Variants in FLG observed in about 807,000 individuals in gnomAD.
FLG encodes filaggrin, also known as epidermal filaggrin.
A neutral mutation model predicts 3.8 loss-of-function variants in FLG; 6 were observed. That is an observed-to-expected ratio of 1.60 (90% CI 0.87 to 3.15). FLG has a LOEUF of 3.15. Ranked by LOEUF, FLG falls within the 30% of genes most tolerant of loss-of-function variation. FLG has a pLI of 0.00. For synonymous variants in FLG, 2,551 were observed against 1,931.6 expected (o/e 1.32, Z -8.41); for missense variants, 7,595 against 5,050.9 (o/e 1.50, Z -15.27).
Position 152,314,720 on chromosome 1 carries a change from C to T in FLG, c.166G>A (p.Val56Ile). The T allele has an allele frequency of 6.2e-7, 1 of 1,613,834 alleles. No homozygotes were observed. Among genetic ancestry groups the T allele is most frequent in the Non-Finnish European group, 8.5e-7 (1 of 1,179,748 alleles). Residue 56 changes from valine to isoleucine, a missense_variant, in exon 3 of 3, where the codon GTC becomes ATC. Val to Ile is a conservative substitution (Grantham distance 29, BLOSUM62 3). Coordinates refer to ENST00000368799, the MANE Select transcript of FLG (RefSeq NM_002016.2). ...TCTATATCCAAGTGATCCATGAAGA[C>T]ATCAACCATATCTGGGTCATCTGGA... ...KNPDDPDMVD[V>I]FMDHLDIDHN...
intron 1 of FLG, among the ~76,000 whole-genome samples, chr1:152,317,128 GC>G (rs1652813321): frequency 6.6e-6 from 1 of 151,964 alleles, no homozygotes; most frequent in Non-Finnish European, 1.5e-5. Flanking sequence ...CAAACACTTT[GC>G]TTTTGCAGTT....
At chr1:152,316,733 C>G (rs1173304024) in intron 1 of FLG, among the ~76,000 whole-genome samples, 3 of 152,028 alleles carry the variant, frequency 2.0e-5, no homozygotes, top group Non-Finnish European at 2.9e-5. Flanking sequence ...CACTCTTTGA[C>G]CTTCTCTTGT....
chr1:152,310,958 C>T lies in FLG; in HGVS notation c.3928G>A (p.Gly1310Arg), dbSNP rs769313265. The T allele has an allele frequency of 4.5e-5, 72 of 1,613,874 alleles. No homozygotes were observed. The South Asian group carries it at 6.2e-4, about 14-fold the overall frequency. The change falls in exon 3 of 3, where the codon GGG becomes AGG. Residue 1310 changes from glycine (G) to arginine (R), a missense_variant. Coordinates refer to ENST00000368799, the MANE Select transcript of FLG (RefSeq NM_002016.2). ...EQSRDGSRHP[G>R]FHQEDRASHG... ...CTGGCTCTGTCTTCTTGATGGAACC[C>T]AGGGTGTCTGGAGCCATCTCTTGAC... is the stretch of plus-strand genomic sequence containing the variant.
Position 152,308,530 on chromosome 1 carries a change from T to A in FLG, c.6356A>T (p.Tyr2119Phe). 1 of 1,613,772 alleles carries A rather than the reference T, an allele frequency of 6.2e-7. No individual in the cohort carries two copies. Among genetic ancestry groups the A allele is most frequent in the East Asian group, 2.2e-5 (1 of 44,870 alleles). Residue 2119 changes from tyrosine to phenylalanine, a missense_variant, in exon 3 of 3, where the codon TAT becomes TTT. Physicochemically the swap from Tyr to Phe is conservative, Grantham distance 22. Coordinates refer to ENST00000368799, the MANE Select transcript of FLG (RefSeq NM_002016.2). ...CCTGGAGCTGTCTTGTGCCTGATCA[T>A]AATGGGATCCTTGTCTTCCTCCAGT... is the stretch of plus-strand genomic sequence containing the variant. The part of the protein sequence containing the change: ...PSTGGRQGSH[Y>F]DQAQDSSRHS...
At position 152,312,510 on chromosome 1, in the gene FLG, A is replaced by C. The variant is rs779656814; in HGVS notation, c.2376T>G (p.Ser792=). ...RSGERSRRSG[S]FLYQVSTHKQ... is the part of the protein sequence containing the mutation. ...TATGAGTGCTCACCTGGTAGAGGAAAGACCCTGAACGTCGAGACCTTTCCC... is the reference window on the plus strand; with the variant it reads ...TATGAGTGCTCACCTGGTAGAGGAACGACCCTGAACGTCGAGACCTTTCCC... Residue 792 remains serine, a synonymous_variant, in exon 3 of 3, where the codon TCT becomes TCG. Coordinates refer to ENST00000368799, the MANE Select transcript of FLG (RefSeq NM_002016.2). 1.2e-6 allele frequency: 2 copies of C among 1,613,336 alleles called. No individual in the cohort carries two copies. Among genetic ancestry groups the C allele is most frequent in the African/African-American group, 2.7e-5 (2 of 74,664 alleles).
At chr1:152,315,515 C>A (rs1282440901) in intron 1 of FLG, 38 bp from the exon 2 acceptor site, 2 of 1,470,916 alleles carry the variant, frequency 1.4e-6, no homozygotes, top group Admixed American at 1.9e-5. Flanking sequence ...TTTTATACAT[C>A]TTTTTTTCTA....
chr1:152,305,161 G>A lies in FLG; in HGVS notation c.9725C>T (p.Ser3242Phe). 1 of 1,613,876 alleles carries A rather than the reference G, an allele frequency of 6.2e-7. No homozygotes were observed. Among genetic ancestry groups the A allele is most frequent in the African/African-American group, 1.3e-5 (1 of 74,990 alleles). Residue 3242 changes from serine (S) to phenylalanine (F), a missense_variant, in exon 3 of 3, where the codon TCT (serine) becomes TTT (phenylalanine). Transcript: ENST00000368799. ...SGSASRNHRG[S>F]VQEQSRHGSR... ...GCCGTGCCTTGACTGCTCCTGAACA[G>A]ATCCACGATGGTTTCTGGAAGCAGA...
In FLG at chr1:152,311,584, T is replaced by A. The variant is rs762422906; in HGVS notation, c.3302A>T (p.Glu1101Val). Residue 1101 changes from glutamate (E) to valine (V), a missense_variant, in exon 3 of 3, where the codon GAG (glutamate) becomes GTG (valine). Glu to Val is a moderately radical substitution (Grantham distance 121, BLOSUM62 -2). Transcript: ENST00000368799. ...QDGPHQQSHQESARDWSGGRS... is the reference protein window; with the variant it reads ...QDGPHQQSHQVSARDWSGGRS... ...TCCCCCTGACCAGTCACGTGCGGAC[T>A]CTTGGTGGCTCTGCTGATGGGGCCC... The A allele has an allele frequency of 3.8e-5, 62 of 1,614,070 alleles. No homozygotes were observed. The South Asian group carries it at 6.6e-4, about 17-fold the overall frequency.
Position 152,313,968 on chromosome 1 carries a change from G to T in FLG, c.918C>A (p.His306Gln), listed in dbSNP as rs181139991. ...RVSQDRDSEGHSEDSERHSGS... is the reference protein window; with the variant it reads ...RVSQDRDSEGQSEDSERHSGS... ...CAGAGTGCCTCTCAGAGTCTTCTGA[G>T]TGTCCCTCACTGTCCCTGTCCTGGC... Residue 306 changes from histidine to glutamine, a missense_variant, in exon 3 of 3, where the codon CAC becomes CAA. Transcript: ENST00000368799. 35 of 1,613,774 alleles carry T rather than the reference G, an allele frequency of 2.2e-5. 1 individual carries two copies. In the Admixed American group the frequency reaches 5.8e-4, roughly 27 times the overall value.
In FLG at chr1:152,312,151, C is replaced by T. The variant is rs750355407; in HGVS notation, c.2735G>A (p.Arg912His). The T allele has an allele frequency of 1.9e-5, 31 of 1,613,722 alleles. No individual in the cohort carries two copies. The highest frequency in any genetic ancestry group is 3.3e-5 in the South Asian group (3 of 91,058). The change falls in exon 3 of 3, where the codon CGT (arginine) becomes CAT (histidine). Residue 912 changes from arginine to histidine, a missense_variant. Transcript: ENST00000368799. The stretch of plus-strand genomic sequence containing the variant: ...GGCATGAGAGGAAGCTTCATGGTGA[C>T]GTGACCCTGAGTGCCTGGAGCCGTC... ...SRDGSRHSGS[R>H]HHEASSHADI...
In FLG at chr1:152,314,367, A is replaced by G; in HGVS notation, c.519T>C (p.Tyr173=). 8 of 1,611,526 alleles carry G rather than the reference A, an allele frequency of 5.0e-6. No homozygotes were observed. Among genetic ancestry groups the G allele is most frequent in the Non-Finnish European group, 6.8e-6 (8 of 1,179,254 alleles). The stretch of plus-strand genomic sequence containing the variant: ...TACTTGAGTTATGATGGTTTTTTCC[A>G]TATTCTTCTTCTCTATGAGTAGGTG... ...GYSPTHREEE[Y]GKNHHNSSKK... The change falls in exon 3 of 3, where the codon TAT becomes TAC. Residue 173 remains tyrosine, a synonymous_variant. Coordinates refer to ENST00000368799, the MANE Select transcript of FLG (RefSeq NM_002016.2).
chr1:152,314,099 A>C lies in FLG; in HGVS notation c.787T>G (p.Ser263Ala), dbSNP rs375815215. ...ACTTGAGATGATGATTTGCCATCAG[A>C]TGACCTTGATCTTTCATATATTTTG... ...ENKIYERSRSSDGKSSSQVNR... is the reference protein window; with the variant it reads ...ENKIYERSRSADGKSSSQVNR... The change falls in exon 3 of 3, where the codon TCT (serine) becomes GCT (alanine). Residue 263 changes from serine to alanine, a missense_variant. Ser to Ala is a moderately conservative substitution (Grantham distance 99). Transcript: ENST00000368799. 6.2e-7 allele frequency: 1 copy of C among 1,614,176 alleles called. No homozygotes were observed. Among genetic ancestry groups the C allele is most frequent in the East Asian group, 2.2e-5 (1 of 44,880 alleles).
rs1271573593 is a variant in FLG, at chr1:152,304,855, T to G, written c.10031A>C (p.Glu3344Ala). 2 of 1,613,876 alleles carry G rather than the reference T, an allele frequency of 1.2e-6. No homozygotes were observed. The highest frequency in any genetic ancestry group is 8.5e-7 in the Non-Finnish European group (1 of 1,179,962). Reference sequence around the variant, plus strand: ...TGTGTCTGACTCTTCTGAATGTCCCTCACTATCACTGGCCTGACTACCACT... The same window carrying G: ...TGTGTCTGACTCTTCTGAATGTCCCGCACTATCACTGGCCTGACTACCACT... ...GSSGSQASDS[E>A]GHSEESDTQS... The change falls in exon 3 of 3, where the codon GAG (glutamate) becomes GCG (alanine). Residue 3344 changes from glutamate (E) to alanine (A), a missense_variant. By Grantham distance (107) the Glu-to-Ala change is moderately radical. Transcript: ENST00000368799.
rs775672711 is a variant in FLG at position 152,310,301 on chromosome 1, C to T, written c.4585G>A (p.Asp1529Asn). The T allele has an allele frequency of 6.2e-7, 1 of 1,613,928 alleles. No individual in the cohort carries two copies. Among genetic ancestry groups the T allele is most frequent in the Non-Finnish European group, 8.5e-7 (1 of 1,179,986 alleles). Residue 1529 changes from aspartate (D) to asparagine (N), a missense_variant, in exon 3 of 3, where the codon GAT becomes AAT. Asp to Asn is a conservative substitution (Grantham distance 23). Transcript: ENST00000368799. ...GGTCCTGACTGCCCATGGGAGGCATCAGACCTTCCCTGGGGTGTGGTGTGG... is the reference window on the plus strand; with the variant it reads ...GGTCCTGACTGCCCATGGGAGGCATTAGACCTTCCCTGGGGTGTGGTGTGG... Reference protein sequence around the residue: ...HSHTTPQGRSDASHGQSGPRS... With the variant: ...HSHTTPQGRSNASHGQSGPRS...
chr1:152,307,183 C>T lies in FLG; in HGVS notation c.7703G>A (p.Ser2568Asn). 1 of 1,612,816 alleles carries T rather than the reference C, an allele frequency of 6.2e-7. No homozygotes were observed. The highest frequency in any genetic ancestry group is 8.5e-7 in the Non-Finnish European group (1 of 1,179,956). ...RTSRNWGSSFSQDSDSQGHSE... is the reference protein window; with the variant it reads ...RTSRNWGSSFNQDSDSQGHSE... ...GTGTCCCTGACTGTCACTGTCCTGGCTAAAACTGGATCCCCAGTTCCTGCT... is the reference window on the plus strand; with the variant it reads ...GTGTCCCTGACTGTCACTGTCCTGGTTAAAACTGGATCCCCAGTTCCTGCT... The change falls in exon 3 of 3, where the codon AGC becomes AAC. Residue 2568 changes from serine to asparagine, a missense_variant. Transcript: ENST00000368799.
Position 152,313,734 on chromosome 1 carries a change from A to C in FLG, c.1152T>G (p.His384Gln), listed in dbSNP as rs761347870. Residue 384 changes from histidine to glutamine, a missense_variant, in exon 3 of 3, where the codon CAT (histidine) becomes CAG (glutamine). Transcript: ENST00000368799. ...CTGCTGACTGCTGGTGGCCGGATCCATGTCTTTCTCCTGGACTTGATCTTG... is the reference window on the plus strand; with the variant it reads ...CTGCTGACTGCTGGTGGCCGGATCCCTGTCTTTCTCCTGGACTTGATCTTG... ...EQARSSPGER[H>Q]GSGHQQSADS... 6.2e-6 allele frequency: 10 copies of C among 1,613,900 alleles called. No homozygotes were observed. The highest frequency in any genetic ancestry group is 8.5e-6 in the Non-Finnish European group (10 of 1,179,932).
rs1652261877 is a variant in FLG, at chr1:152,309,810, G to A, written c.5076C>T (p.Ser1692=). Residue 1692 remains serine, a synonymous_variant, in exon 3 of 3, where the codon TCC becomes TCT. Coordinates refer to ENST00000368799, the MANE Select transcript of FLG (RefSeq NM_002016.2). ...GTCTGCGCCCAGTGCCTGAGTCTGT[G>A]GAGCTGTCTGCTGACTGCTGGTGGC... ...GSRHQQSADS[S]TDSGTGRRQD... 2.5e-6 allele frequency: 4 copies of A among 1,613,946 alleles called. No individual in the cohort carries two copies.
In FLG at chr1:152,304,491, G is replaced by A; in HGVS notation, c.10395C>T (p.Ser3465=). Residue 3465 remains serine, a synonymous_variant, in exon 3 of 3, where the codon AGC becomes AGT. Coordinates refer to ENST00000368799, the MANE Select transcript of FLG (RefSeq NM_002016.2). ...CAGACCTTCCCTGGGATGTGGTGTGGCTGTGATGGGACCCTGAGTGTCCAG... is the reference window on the plus strand; with the variant it reads ...CAGACCTTCCCTGGGATGTGGTGTGACTGTGATGGGACCCTGAGTGTCCAG... ...DRSGHSGSHH[S]HTTSQGRSDA... 1.2e-6 allele frequency: 2 copies of A among 1,612,914 alleles called. No individual in the cohort carries two copies. Among genetic ancestry groups the A allele is most frequent in the Non-Finnish European group, 1.7e-6 (2 of 1,179,700 alleles).
At chr1:152,321,672 C>T (rs145300976) in intron 1 of FLG, among the ~76,000 whole-genome samples, 3,380 of 151,222 alleles carry the variant, frequency 0.022, 65 homozygotes, top group Non-Finnish European at 0.032. Flanking sequence ...ATCTTAAATG[C>T]ATTCATTTCC....
Sources: gnomAD v4.1 joint callset for allele counts (sites outside exome capture counted in the v4.1 genomes callset) on GRCh38, gnomAD v4.1.1 for gene constraint, MANE v1.5 for transcripts, NCBI Gene and HGNC (gene_info 2026-07-23, HGNC 2026-07-21) for gene names.